DUSP12: variants seen among roughly 807,000 people sequenced by gnomAD.
DUSP12 encodes the protein dual specificity phosphatase 12, also known as dual specificity protein phosphatase 12.
Under a neutral mutation model 38.9 loss-of-function variants are expected in DUSP12, and 25 were observed. That is an observed-to-expected ratio of 0.64 (90% CI 0.47 to 0.90). The LOEUF (loss-of-function observed/expected upper bound fraction) is 0.90, where lower values mean the gene tolerates loss of function less well. Ranked by LOEUF, DUSP12 falls within the 40% of genes least tolerant of loss-of-function variation. The pLI is 0.00. For missense variants in DUSP12, 403 were observed against 427.0 expected (o/e 0.94, Z 0.50); for synonymous variants, 153 against 153.9 (o/e 0.99, Z 0.05).
In DUSP12 at chr1:161,749,881, T is replaced by C; in HGVS notation, c.80T>C (p.Met27Thr). The C allele has an allele frequency of 6.2e-7, 1 of 1,612,672 alleles. No individual in the cohort carries two copies. The highest frequency in any genetic ancestry group is 8.5e-7 in the Non-Finnish European group (1 of 1,179,454). ...SASRVSCAGQ[M>T]LEVQPGLYFG... Reference sequence around the variant, plus strand: ...AGCAGAGTCAGCTGTGCCGGGCAGATGCTGGAAGTGCAGCCAGGATTGTAT... The same window carrying C: ...AGCAGAGTCAGCTGTGCCGGGCAGACGCTGGAAGTGCAGCCAGGATTGTAT... Residue 27 changes from methionine to threonine, a missense_variant, in exon 1 of 6, where the codon ATG (methionine) becomes ACG (threonine). Met to Thr is a moderately conservative substitution (Grantham distance 81, BLOSUM62 -1). Transcript: ENST00000367943.
rs1383816564 is a variant in DUSP12, at chr1:161,749,927, C to T, written c.126C>T (p.Val42=). The T allele has an allele frequency of 6.2e-7, 1 of 1,613,844 alleles. No individual in the cohort carries two copies. The highest frequency in any genetic ancestry group is 1.1e-5 in the South Asian group (1 of 91,066). The change falls in exon 1 of 6, where the codon GTC becomes GTT. Residue 42 remains valine (V), a synonymous_variant. Coordinates refer to ENST00000367943, the MANE Select transcript of DUSP12 (RefSeq NM_007240.3). The stretch of plus-strand genomic sequence containing the variant: ...TGTATTTCGGTGGGGCCGCGGCCGT[C>T]GCGGAGCCAGATCACCTGAGGGAAG... ...PGLYFGGAAA[V]AEPDHLREAG...
In DUSP12 at chr1:161,749,811, G is replaced by T; in HGVS notation, c.10G>T (p.Ala4Ser). The change falls in exon 1 of 6, where the codon GCT (alanine) becomes TCT (serine). Residue 4 changes from alanine (A) to serine (S), a missense_variant. Physicochemically the swap from Ala to Ser is moderately conservative, Grantham distance 99. Coordinates refer to ENST00000367943, the MANE Select transcript of DUSP12 (RefSeq NM_007240.3). ...GTCTCTGGGCGCGGCCATGTTGGAG[G>T]CTCCGGGCCCGAGTGATGGCTGCGA... MLEAPGPSDGCELS... is the reference protein window; with the variant it reads MLESPGPSDGCELS... The T allele has an allele frequency of 6.3e-7, 1 of 1,576,374 alleles. No homozygotes were observed. The highest frequency in any genetic ancestry group is 8.6e-7 in the Non-Finnish European group (1 of 1,162,150).
chr1:161,750,236 G>A (rs1356541658), intron 1 of DUSP12, 91 bp downstream of exon 1: 6 of 1,415,062 alleles, frequency 4.2e-6, no homozygotes, highest in Non-Finnish European at 5.7e-6. Flanking sequence ...GGGAGGACAA[G>A]AGCGCGGTCA....
chr1:161,750,384 CG>C (rs1393254704), intron 1 of DUSP12, among the ~76,000 whole-genome samples: 2 of 152,142 alleles, frequency 1.3e-5, no homozygotes. Context: ...CAGCAGAGGG[CG>C]GGGGAGGTGT....
Position 161,751,904 on chromosome 1 carries a change from A to G in DUSP12, c.497A>G (p.Gln166Arg). ...EGFEWQLKLY[Q>R]AMGYEVDTSS... ...TTTGAGTGGCAACTGAAATTATACC[A>G]GGCAATGGGATACGAAGTGGATACC... is the stretch of plus-strand genomic sequence containing the variant. Residue 166 changes from glutamine to arginine, a missense_variant, in exon 3 of 6, where the codon CAG (glutamine) becomes CGG (arginine). Gln to Arg is a conservative substitution (Grantham distance 43, BLOSUM62 1). Coordinates refer to ENST00000367943, the MANE Select transcript of DUSP12 (RefSeq NM_007240.3). 1 of 1,613,500 alleles carries G rather than the reference A, an allele frequency of 6.2e-7. No individual in the cohort carries two copies. Among genetic ancestry groups the G allele is most frequent in the Middle Eastern group, 1.7e-4 (1 of 6,032 alleles).
chr1:161,751,530 T>C, intron 1 of DUSP12, 138 bp from the exon 2 acceptor site: 1 of 1,020,022 alleles, frequency 9.8e-7, no homozygotes, highest in Non-Finnish European at 1.4e-6. Context: ...CTTGATAATA[T>C]TTCAGAGGCA....
Position 161,750,106 on chromosome 1 carries a change from G to T in DUSP12, c.305G>T (p.Gly102Val). The change falls in exon 1 of 6, where the codon GGT becomes GTT. Residue 102 changes from glycine to valine, a missense_variant. Coordinates refer to ENST00000367943, the MANE Select transcript of DUSP12 (RefSeq NM_007240.3). ...SHLDRCVAFI[G>V]QARAEGRAVL... is the part of the protein sequence containing the mutation. ...CTGGACCGGTGCGTGGCCTTCATCGGTCAGGCCCGCGCTGAGGGCCGTGCG... is the reference window on the plus strand; with the variant it reads ...CTGGACCGGTGCGTGGCCTTCATCGTTCAGGCCCGCGCTGAGGGCCGTGCG... The T allele has an allele frequency of 5.0e-6, 8 of 1,613,914 alleles. No homozygotes were observed. Among genetic ancestry groups the T allele is most frequent in the Non-Finnish European group, 6.8e-6 (8 of 1,179,954 alleles).
rs1683992534 is a variant in DUSP12 at position 161,750,150 on chromosome 1, G to A, written c.344+5G>A. The A allele has an allele frequency of 1.2e-6, 2 of 1,607,946 alleles. No homozygotes were observed. The highest frequency in any genetic ancestry group is 1.3e-5 in the African/African-American group (1 of 74,710). On this transcript the variant is annotated splice_donor_5th_base_variant and intron_variant, in intron 1 of 5. Coordinates refer to ENST00000367943, the MANE Select transcript of DUSP12 (RefSeq NM_007240.3). ...CCGTGCGGTGTTGGTGCACTGGTGA[G>A]TGGCCGGGTCAGTGGGTGACGTGCC... is the stretch of plus-strand genomic sequence containing the variant.
chr1:161,756,708 C>A, intron 5 of DUSP12, 78 bp from the exon 6 acceptor site: 1 of 1,526,922 alleles, frequency 6.5e-7, no homozygotes, highest in South Asian at 1.2e-5. Context: ...GTTTTTATAT[C>A]CTATATTGAT....
At chr1:161,756,727 A>G (rs1557944902) in intron 5 of DUSP12, 59 bp from the exon 6 acceptor site, 2 of 1,574,398 alleles carry the variant, frequency 1.3e-6, no homozygotes, top group Non-Finnish European at 8.6e-7. Flanking sequence ...ATTGCCAAAG[A>G]TAATGATTTG....
At position 161,751,800 on chromosome 1, in the gene DUSP12, G is replaced by A; in HGVS notation, c.458+19G>A. ...AGGCTAAGTGGGTTCTTTTTTTATAGTAATAATTATGCTTTTGTGATATAA... is the reference window on the plus strand; with the variant it reads ...AGGCTAAGTGGGTTCTTTTTTTATAATAATAATTATGCTTTTGTGATATAA... On this transcript the variant is annotated intron_variant, in intron 2 of 5. Coordinates refer to ENST00000367943, the MANE Select transcript of DUSP12 (RefSeq NM_007240.3). 6.2e-7 allele frequency: 1 copy of A among 1,602,568 alleles called. No individual in the cohort carries two copies. The highest frequency in any genetic ancestry group is 8.5e-7 in the Non-Finnish European group (1 of 1,176,512).
rs752990201 is a variant in DUSP12, at chr1:161,751,924, GAT to G, written c.519_520del (p.Thr174LeufsTer2). ...ATACCAGGCAATGGGATACGAAGTG[GAT>G]ACCTCTAGTGCAATTTATAAGCAAT... ...KLYQAMGYEV[D>X]TSSAIYKQYR... is the part of the protein sequence containing the mutation. On this transcript the variant is annotated frameshift_variant, in exon 3 of 6. Transcript: ENST00000367943. LOFTEE classifies it high-confidence loss of function. 1 of 1,613,510 alleles carries G rather than the reference GAT, an allele frequency of 6.2e-7. No homozygotes were observed. The highest frequency in any genetic ancestry group is 8.5e-7 in the Non-Finnish European group (1 of 1,179,732).
At chr1:161,750,276 C>T (rs1468107826) in intron 1 of DUSP12, 131 bp downstream of exon 1, 5 of 955,034 alleles carry the variant, frequency 5.2e-6, no homozygotes, top group East Asian at 5.3e-5. Context: ...CGCTGCCTCC[C>T]GCAGGAGGCG....
Position 161,749,826 on chromosome 1 carries a change from G to A in DUSP12, c.25G>A (p.Asp9Asn), listed in dbSNP as rs147989847. The stretch of plus-strand genomic sequence containing the variant: ...CATGTTGGAGGCTCCGGGCCCGAGT[G>A]ATGGCTGCGAGCTCAGCAACCCCAG... MLEAPGPS[D>N]GCELSNPSAS... Residue 9 changes from aspartate (D) to asparagine (N), a missense_variant, in exon 1 of 6, where the codon GAT becomes AAT. By Grantham distance (23) the Asp-to-Asn change is conservative (BLOSUM62 1). Coordinates refer to ENST00000367943, the MANE Select transcript of DUSP12 (RefSeq NM_007240.3). The A allele has an allele frequency of 1.2e-5, 19 of 1,587,898 alleles. No individual in the cohort carries two copies. In the African/African-American group the frequency reaches 1.8e-4, roughly 15 times the overall value.
chr1:161,751,634 A>T (rs2101693813), intron 1 of DUSP12, 34 bp from the exon 2 acceptor site: 1 of 1,567,886 alleles, frequency 6.4e-7, no homozygotes, highest in Non-Finnish European at 8.6e-7. Flanking sequence ...AATTGTTGCT[A>T]TTTGCTGTTT....
chr1:161,749,903 G>C lies in DUSP12; in HGVS notation c.102G>C (p.Leu34Phe). ...AGQMLEVQPG[L>F]YFGGAAAVAE... ...AGATGCTGGAAGTGCAGCCAGGATT[G>C]TATTTCGGTGGGGCCGCGGCCGTCG... Residue 34 changes from leucine (L) to phenylalanine (F), a missense_variant, in exon 1 of 6, where the codon TTG becomes TTC. Transcript: ENST00000367943. The C allele has an allele frequency of 6.2e-7, 1 of 1,613,712 alleles. No homozygotes were observed. Among genetic ancestry groups the C allele is most frequent in the East Asian group, 2.2e-5 (1 of 44,876 alleles).
chr1:161,752,971 CAG>C (rs1684049460), intron 4 of DUSP12, 102 bp from the exon 5 acceptor site: 1 of 1,197,526 alleles, frequency 8.4e-7, no homozygotes. Flanking sequence ...GCATGGGCGA[CAG>C]AGTGAGACTC....
chr1:161,752,937 C>T (rs1330507886), intron 4 of DUSP12, 138 bp from the exon 5 acceptor site: 11 of 765,792 alleles, frequency 1.4e-5, no homozygotes, highest in Non-Finnish European at 2.0e-5. Context: ...TTGCAGTGAG[C>T]CATGATCACG....
At chr1:161,750,238 G>C (rs1683994758) in intron 1 of DUSP12, 93 bp downstream of exon 1, 3 of 1,379,572 alleles carry the variant, frequency 2.2e-6, no homozygotes, top group Non-Finnish European at 3.0e-6. Flanking sequence ...GAGGACAAGA[G>C]CGCGGTCATG....
Sources: allele counts gnomAD v4.1 joint callset (sites outside exome capture counted in the v4.1 genomes callset), GRCh38; gene constraint gnomAD v4.1.1; transcripts MANE v1.5; gene names NCBI Gene and HGNC (gene_info 2026-07-23, HGNC 2026-07-21).